MAGI1: variants seen among roughly 807,000 people sequenced by gnomAD.
MAGI1 encodes membrane-associated guanylate kinase, WW and PDZ domain-containing protein 1.
Under a neutral mutation model 139.9 loss-of-function variants are expected in MAGI1, and 58 were observed. That is an observed-to-expected ratio of 0.41 (90% CI 0.34 to 0.52). The LOEUF (loss-of-function observed/expected upper bound fraction) is 0.52. Ranked by LOEUF, MAGI1 falls within the 20% of genes least tolerant of loss-of-function variation. MAGI1 has a pLI of 0.12. For synonymous variants in MAGI1, 812 were observed against 737.9 expected, an observed-to-expected ratio of 1.10 and a Z score of -1.63; for missense variants, 1,874 against 1,901.6, an observed-to-expected ratio of 0.99 and a Z score of 0.27.
chr3:65,882,227 G>A (rs566997378), intron 1 of MAGI1, among the ~76,000 whole-genome samples: 1 of 152,262 alleles, frequency 6.6e-6, no homozygotes, highest in Admixed American at 6.5e-5. Flanking sequence ...GTACCTTTCA[G>A]ACAGGCTTCT....
intron 12 of MAGI1, among the ~76,000 whole-genome samples, chr3:65,420,552 G>C (rs1946564429): frequency 6.6e-6 from 1 of 152,132 alleles, no homozygotes; most frequent in Non-Finnish European, 1.5e-5. Flanking sequence ...TTCATTTGCA[G>C]ATGACGCTGC....
At chr3:65,687,379 T>G (rs2088144779) in intron 1 of MAGI1, 2 of 329,802 alleles carry the variant, frequency 6.1e-6, no homozygotes, top group African/African-American at 2.2e-5. Flanking sequence ...TCAGGCCCTT[T>G]GTACCACATA....
rs768136777 is a variant in MAGI1 at position 65,429,878 on chromosome 3, A to G, written c.1809T>C (p.Asn603=). Residue 603 remains asparagine, a synonymous_variant, in exon 12 of 23, where the codon AAT becomes AAC. Coordinates refer to ENST00000402939, the MANE Select transcript of MAGI1 (RefSeq NM_001033057.2). ...ASHSSKTGKV[N]GMKDARPSSP... is the part of the protein sequence containing the mutation. ...TGCTTGGCCTGGCATCCTTCATGCC[A>G]TTGACTTTGCCTGTTTTACTACTGT... The G allele has an allele frequency of 1.1e-5, 18 of 1,614,062 alleles. No homozygotes were observed. The highest frequency in any genetic ancestry group is 1.5e-5 in the Non-Finnish European group (18 of 1,179,978).
intron 1 of MAGI1, among the ~76,000 whole-genome samples, chr3:65,816,769 G>C (rs1477065453): frequency 6.6e-6 from 1 of 152,170 alleles, no homozygotes; most frequent in Non-Finnish European, 1.5e-5. Context: ...TGCTAGCCAT[G>C]GCCAGTATAA....
intron 3 of MAGI1, among the ~76,000 whole-genome samples, chr3:65,484,853 T>G (rs1370745668): frequency 6.6e-6 from 1 of 152,158 alleles, no homozygotes; most frequent in Admixed American, 6.6e-5. Context: ...AGGAACCACA[T>G]ACCTCCCCTT....
At chr3:65,541,962 G>A (rs2079250292) in intron 2 of MAGI1, among the ~76,000 whole-genome samples, 1 of 152,088 alleles carries the variant, frequency 6.6e-6, no homozygotes, top group Admixed American at 6.6e-5. Flanking sequence ...ATTCAATTAG[G>A]AAAAGAAGAA....
At chr3:65,763,585 A>AG (rs113054369) in intron 1 of MAGI1, among the ~76,000 whole-genome samples, 1 of 151,898 alleles carries the variant, frequency 6.6e-6, no homozygotes, top group Non-Finnish European at 1.5e-5. Context: ...AAGAAAAAAA[A>AG]TAATGTTCCC....
intron 9 of MAGI1, among the ~76,000 whole-genome samples, chr3:65,438,472 C>T (rs1452002393): frequency 1.3e-5 from 2 of 152,184 alleles, no homozygotes; most frequent in Non-Finnish European, 2.9e-5. Context: ...TTCACCACCA[C>T]TTAATATACC....
At chr3:65,630,575 G>A (rs186015117) in intron 1 of MAGI1, among the ~76,000 whole-genome samples, 6 of 152,308 alleles carry the variant, frequency 3.9e-5, no homozygotes, top group African/African-American at 1.4e-4. Context: ...CAGCAACCTA[G>A]ATGAAGCTGG....
At chr3:65,598,235 G>A (rs1208988443) in intron 2 of MAGI1, among the ~76,000 whole-genome samples, 1 of 152,102 alleles carries the variant, frequency 6.6e-6, no homozygotes. Flanking sequence ...GAGGGGGCGG[G>A]GACTGAGCGA....
intron 1 of MAGI1, among the ~76,000 whole-genome samples, chr3:65,704,756 A>G (rs527369392): frequency 6.6e-6 from 1 of 151,976 alleles, no homozygotes; most frequent in African/African-American, 2.4e-5. Flanking sequence ...AAAAAAAGGC[A>G]CAAGTAGCTA....
rs1440949896 is a variant in MAGI1, at chr3:65,453,306, G to A, written c.994C>T (p.Arg332Trp). ...NTKTTSWLDP[R>W]CLNKQQKPLE... is the part of the protein sequence containing the mutation. ...GGCTTCTGCTGCTTGTTTAGGCACC[G>A]AGGGTCTAACCAAGATGTTGTTTTC... The change falls in exon 6 of 23, where the codon CGG becomes TGG. Residue 332 changes from arginine (R) to tryptophan (W), a missense_variant. Arg to Trp is a moderately radical substitution (Grantham distance 101). Around this residue, in one of 5 missense-constraint regions of MAGI1, gnomAD observed 648 missense variants for 598.1 expected, o/e 1.08. Coordinates refer to ENST00000402939, the MANE Select transcript of MAGI1 (RefSeq NM_001033057.2). The A allele has an allele frequency of 8.7e-6, 14 of 1,611,774 alleles. No homozygotes were observed. The highest frequency in any genetic ancestry group is 2.2e-5 in the South Asian group (2 of 91,028).
chr3:65,840,636 T>C (rs1434522371), intron 1 of MAGI1, among the ~76,000 whole-genome samples: 1 of 152,214 alleles, frequency 6.6e-6, no homozygotes, highest in Admixed American at 6.5e-5. Context: ...GTAGTAGAAT[T>C]CTTTCAAATA....
intron 1 of MAGI1, among the ~76,000 whole-genome samples, chr3:65,702,003 A>G (rs1038546223): frequency 1.3e-5 from 2 of 151,626 alleles, no homozygotes; most frequent in Non-Finnish European, 2.9e-5. Context: ...TTATTTATTT[A>G]TTTTTTTTGC....
At chr3:65,438,466 C>G (rs1948004303) in intron 9 of MAGI1, among the ~76,000 whole-genome samples, 1 of 152,202 alleles carries the variant, frequency 6.6e-6, no homozygotes, top group Admixed American at 6.5e-5. Context: ...CCACACTTCA[C>G]CACCACTTAA....
chr3:65,851,657 G>A (rs1238120506), intron 1 of MAGI1, among the ~76,000 whole-genome samples: 2 of 152,112 alleles, frequency 1.3e-5, no homozygotes, highest in Admixed American at 6.5e-5. Flanking sequence ...GCTGAGGTAG[G>A]AGAATCGCTT....
intron 4 of MAGI1, among the ~76,000 whole-genome samples, chr3:65,475,017 T>C (rs1036056734): frequency 2.6e-5 from 4 of 152,086 alleles, no homozygotes; most frequent in African/African-American, 9.7e-5. Context: ...GATTATCTCT[T>C]AACTTTCCAA....
At chr3:65,439,345 A>C (rs1038011489) in intron 9 of MAGI1, among the ~76,000 whole-genome samples, 4 of 152,146 alleles carry the variant, frequency 2.6e-5, no homozygotes, top group African/African-American at 9.7e-5. Flanking sequence ...CACAGGGCTT[A>C]TCTCTGAGAA....
chr3:65,740,384 T>C (rs2035158970), intron 1 of MAGI1, among the ~76,000 whole-genome samples: 1 of 152,136 alleles, frequency 6.6e-6, no homozygotes, highest in Non-Finnish European at 1.5e-5. Flanking sequence ...CAAAAACCAG[T>C]GCTTGGAATT....
Sources: gnomAD v4.1 joint callset for allele counts (sites outside exome capture counted in the v4.1 genomes callset) on GRCh38, gnomAD v4.1.1 for gene constraint, gnomAD v4.1.1 regional missense constraint, MANE v1.5 for transcripts, NCBI Gene and HGNC (gene_info 2026-07-23, HGNC 2026-07-21) for gene names.